The following SS18L1 variants were observed in gnomAD, a reference collection of about 807,000 sequenced individuals.
The protein encoded by SS18L1 is calcium-responsive transactivator.
Under a neutral mutation model 70.3 loss-of-function variants are expected in SS18L1, and 32 were observed. The ratio of observed to expected loss-of-function variants is 0.46; its 90% confidence interval spans 0.34 to 0.61. The LOEUF is 0.61. Among genes scored for constraint, SS18L1 ranks in the 20% least tolerant of loss-of-function variants. The probability of loss-of-function intolerance (pLI) is 0.01; values close to 1 mark genes in which losing one functional copy is unlikely to be tolerated. For missense variants in SS18L1, 430 were observed against 542.1 expected (o/e 0.79, Z 2.05); for synonymous variants, 237 against 229.7 (o/e 1.03, Z -0.29).
chr20:62,151,823 TC>T (rs938898141), intron 1 of SS18L1, among the ~76,000 whole-genome samples: 15 of 136,406 alleles, frequency 1.1e-4, no homozygotes, highest in African/African-American at 4.1e-4. Flanking sequence ...CTTTTCCCGC[TC>T]CCCATAGCTG....
At position 62,160,386 on chromosome 20, in the gene SS18L1, GTGGGGAGAGGTGGGA is replaced by G. The variant is rs1391423084; in HGVS notation, c.231+446_231+460del. ...ATGGGGAGAGGTGGGGAGAGGTGGG[GTGGGGAGAGGTGGGA>G]TGGGGAGAGGTGGGATGGGGGCCCT... On this transcript the variant is annotated intron_variant, in intron 3 of 10. Coordinates refer to ENST00000331758, the MANE Select transcript of SS18L1 (RefSeq NM_198935.3). Among the ~76,000 whole-genome samples the G allele has an allele frequency of 2.6e-4, 35 of 135,386 alleles. 1 individual carries two copies. Among genetic ancestry groups the G allele is most frequent in the Admixed American group, 1.2e-3 (17 of 13,814 alleles). 88.8% of individuals were successfully genotyped at this position (135,386 alleles called of 152,430 possible). A position where few individuals can be genotyped will look rare whatever the true frequency, so the allele number is the denominator to read the frequency against.
intron 1 of SS18L1, among the ~76,000 whole-genome samples, chr20:62,144,543 G>A (rs559083888): frequency 5.1e-4 from 78 of 152,176 alleles, no homozygotes; most frequent in Admixed American, 1.6e-3. Context: ...CGCCCCCTCC[G>A]TATCCTCGCG....
At position 62,159,314 on chromosome 20, in the gene SS18L1, C is replaced by T. The variant is rs535691071; in HGVS notation, c.147-563C>T. 3.3e-5 allele frequency among the ~76,000 whole-genome samples: 5 copies of T among 152,316 alleles called. No individual in the cohort carries two copies. In the East Asian group the frequency reaches 5.8e-4, roughly 18 times the overall value. On this transcript the variant is annotated intron_variant, in intron 2 of 10. Coordinates refer to ENST00000331758, the MANE Select transcript of SS18L1 (RefSeq NM_198935.3). The surrounding 1 kb of genome is among the most constrained non-coding windows in gnomAD (Gnocchi z 4.4). Reference sequence around the variant, plus strand: ...CCCTCCAAGCGGCTGTCCAAGTGGCCGTCAGACTGACCTGGAGGTGGGAAG... The same window carrying T: ...CCCTCCAAGCGGCTGTCCAAGTGGCTGTCAGACTGACCTGGAGGTGGGAAG...
Position 62,161,274 on chromosome 20 carries a change from C to A in SS18L1, c.232-162C>A. 2 of 943,158 alleles carry A rather than the reference C, an allele frequency of 2.1e-6. No homozygotes were observed. Among genetic ancestry groups the A allele is most frequent in the Non-Finnish European group, 3.3e-6 (2 of 608,952 alleles). 58.4% of individuals were successfully genotyped at this position (943,158 alleles called of 1,614,324 possible). A position where few individuals can be genotyped will look rare whatever the true frequency, so the allele number is the denominator to read the frequency against. ...ATCTCCATCTGGGCCTGGTGCTCTG[C>A]GGTCACCTGGCTGTGACGATGGCTG... is the stretch of plus-strand genomic sequence containing the variant. On this transcript the variant is annotated intron_variant, in intron 3 of 10. Coordinates refer to ENST00000331758, the MANE Select transcript of SS18L1 (RefSeq NM_198935.3). The surrounding 1 kb of genome is among the most constrained non-coding windows in gnomAD (Gnocchi z 4.4).
At chr20:62,156,081 C>T (rs2057217060) in intron 1 of SS18L1, among the ~76,000 whole-genome samples, 1 of 152,168 alleles carries the variant, frequency 6.6e-6, no homozygotes, top group Non-Finnish European at 1.5e-5. Flanking sequence ...CGTACATAAA[C>T]CTCGCGGCAC....
intron 7 of SS18L1, among the ~76,000 whole-genome samples, chr20:62,165,121 C>T (rs116518276): frequency 4.7e-4 from 72 of 152,306 alleles, no homozygotes; most frequent in African/African-American, 1.6e-3. Flanking sequence ...CTAGCGGTGG[C>T]GGGGAGAAGG....
At chr20:62,145,916 T>A (rs1467137857) in intron 1 of SS18L1, among the ~76,000 whole-genome samples, 1 of 152,178 alleles carries the variant, frequency 6.6e-6, no homozygotes. Context: ...CCGAGAGCTT[T>A]AAGAGAAGCC....
chr20:62,171,188 C>T (rs1429601894), intron 8 of SS18L1, among the ~76,000 whole-genome samples: 1 of 152,160 alleles, frequency 6.6e-6, no homozygotes, highest in Non-Finnish European at 1.5e-5. Flanking sequence ...AGGCGTGAGC[C>T]ACCGCACCCG....
intron 10 of SS18L1, among the ~76,000 whole-genome samples, chr20:62,176,359 ATAAAG>A (rs1218324504): frequency 6.6e-6 from 1 of 152,166 alleles, no homozygotes; most frequent in Admixed American, 6.5e-5. Context: ...TCTACAAAAA[ATAAAG>A]TAGTCAGGCA....
rs117028797 is a variant in SS18L1, at chr20:62,172,351, C to T, written c.917-331C>T. On this transcript the variant is annotated intron_variant, in intron 8 of 10. Coordinates refer to ENST00000331758, the MANE Select transcript of SS18L1 (RefSeq NM_198935.3). ...CTGAAAAAAAAAAAAAAAATTATATCTGCAAAGACCCTATGTCCAAATAAG... is the reference window on the plus strand; with the variant it reads ...CTGAAAAAAAAAAAAAAAATTATATTTGCAAAGACCCTATGTCCAAATAAG... Among the ~76,000 whole-genome samples, 51 of 151,750 alleles carry T rather than the reference C, an allele frequency of 3.4e-4. No individual in the cohort carries two copies. In the East Asian group the frequency reaches 5.2e-3, roughly 16 times the overall value.
At position 62,165,507 on chromosome 20, in the gene SS18L1, T is replaced by C. The variant is rs148375088; in HGVS notation, c.909T>C (p.Tyr303=). The stretch of plus-strand genomic sequence containing the variant: ...TCGAGGAGTCCACGCAGCACTACTA[T>C]GAGGGGGGTAAGGAGCACGGCTGCG... ...RSFEESTQHY[Y]EGGNSQYSQQ... is the part of the protein sequence containing the mutation. The change falls in exon 8 of 11, where the codon TAT becomes TAC. Residue 303 remains tyrosine, a synonymous_variant. Transcript: ENST00000331758. 6.2e-7 allele frequency: 1 copy of C among 1,611,502 alleles called. No homozygotes were observed. Among genetic ancestry groups the C allele is most frequent in the Non-Finnish European group, 8.5e-7 (1 of 1,179,252 alleles).
chr20:62,154,557 G>A (rs2145714058), intron 1 of SS18L1: 1 of 1,013,226 alleles, frequency 9.9e-7, no homozygotes, highest in African/African-American at 1.7e-5. Context: ...ACCTCAGGGG[G>A]TGTCCCTTGG....
chr20:62,145,708 A>G (rs1037941265), intron 1 of SS18L1, among the ~76,000 whole-genome samples: 3 of 152,208 alleles, frequency 2.0e-5, no homozygotes, highest in African/African-American at 7.2e-5. Context: ...ACCATTGGAA[A>G]TAGGCCTTCA....
intron 1 of SS18L1, among the ~76,000 whole-genome samples, chr20:62,147,042 C>T (rs184429144): frequency 4.4e-4 from 67 of 152,320 alleles, no homozygotes; most frequent in African/African-American, 1.6e-3. Context: ...CTCCCATGCG[C>T]AGGCACCAGG....
Position 62,158,730 on chromosome 20 carries a change from A to G in SS18L1, c.128A>G (p.Lys43Arg). 2 of 1,612,970 alleles carry G rather than the reference A, an allele frequency of 1.2e-6. No individual in the cohort carries two copies. Among genetic ancestry groups the G allele is most frequent in the Non-Finnish European group, 1.7e-6 (2 of 1,180,030 alleles). The change falls in exon 2 of 11, where the codon AAG (lysine) becomes AGG (arginine). Residue 43 changes from lysine (K) to arginine (R), a missense_variant. Coordinates refer to ENST00000331758, the MANE Select transcript of SS18L1 (RefSeq NM_198935.3). This position sits in a 1 kb window ranked among gnomAD's most constrained non-coding sequence, Gnocchi z 4.5. ...ATCCTGGAGTACCAGAGCAAGGGCA[A>G]GACGGCCGAGTGCACGCAGTGAGTG... ...QCILEYQSKGKTAECTQYQQI... is the reference protein window; with the variant it reads ...QCILEYQSKGRTAECTQYQQI...
chr20:62,174,427 A>T lies in SS18L1; in HGVS notation c.1037-90A>T. The stretch of plus-strand genomic sequence containing the variant: ...GAGACGGGAATTTTTCAAGGAGAAG[A>T]GGAAGTTTTAAAAAAAATTTTTAAG... On this transcript the variant is annotated intron_variant, in intron 9 of 10. Transcript: ENST00000331758. The surrounding 1 kb of genome is among the most constrained non-coding windows in gnomAD (Gnocchi z 4.1). 1 of 1,522,336 alleles carries T rather than the reference A, an allele frequency of 6.6e-7. No homozygotes were observed. Among genetic ancestry groups the T allele is most frequent in the Middle Eastern group, 2.4e-4 (1 of 4,100 alleles). 94.3% of individuals were successfully genotyped at this position (1,522,336 alleles called of 1,614,324 possible). A position where few individuals can be genotyped will look rare whatever the true frequency, so the allele number is the denominator to read the frequency against.
At chr20:62,172,525 TGTA>T (rs1352554496) in intron 8 of SS18L1, among the ~76,000 whole-genome samples, 154 bp from the exon 9 acceptor site, 1 of 152,096 alleles carries the variant, frequency 6.6e-6, no homozygotes, top group Non-Finnish European at 1.5e-5. Flanking sequence ...AAGATAAAGG[TGTA>T]GTATAGTATT....
intron 7 of SS18L1, among the ~76,000 whole-genome samples, chr20:62,165,218 G>A (rs980398922): frequency 2.6e-5 from 4 of 152,222 alleles, no homozygotes; most frequent in Non-Finnish European, 5.9e-5. Context: ...CAGTCGCCCC[G>A]AGAAGGAGGC....
chr20:62,154,303 C>G, intron 1 of SS18L1: 2 of 1,039,468 alleles, frequency 1.9e-6, no homozygotes, highest in Non-Finnish European at 2.3e-6. Flanking sequence ...GCCGGCCAGT[C>G]ATCGAGTGCC....
Sources: gnomAD v4.1 joint callset for allele counts (sites outside exome capture counted in the v4.1 genomes callset) on GRCh38, gnomAD v4.1.1 for gene constraint, Gnocchi (gnomAD v3.1) non-coding constraint, MANE v1.5 for transcripts, NCBI Gene and HGNC (gene_info 2026-07-23, HGNC 2026-07-21) for gene names.